SLC6A6: variants seen among roughly 807,000 people sequenced by gnomAD.
The protein encoded by SLC6A6 is sodium- and chloride-dependent taurine transporter.
In SLC6A6, 16 loss-of-function variants were observed where a neutral mutation model predicts 68.8. The ratio of observed to expected loss-of-function variants is 0.23; its 90% CI spans 0.16 to 0.35. The LOEUF (loss-of-function observed/expected upper bound fraction) is 0.35, where lower values mean the gene tolerates loss of function less well. SLC6A6 is among the 10% of genes least tolerant of loss of function. The probability of loss-of-function intolerance (pLI) is 1.00; values close to 1 mark genes in which losing one functional copy is unlikely to be tolerated. For synonymous variants in SLC6A6, 312 were observed against 315.4 expected, an observed-to-expected ratio of 0.99 and a Z score of 0.12; for missense variants, 474 against 802.8, an observed-to-expected ratio of 0.59 and a Z score of 4.95.
chr3:14,423,140 G>A (rs1699520007), intron 2 of SLC6A6, among the ~76,000 whole-genome samples: 1 of 152,276 alleles, frequency 6.6e-6, no homozygotes, highest in South Asian at 2.1e-4. Flanking sequence ...CATTTGCTTT[G>A]GAAAAACTGT....
At chr3:14,403,853 T>C (rs1400246146) in intron 1 of SLC6A6, among the ~76,000 whole-genome samples, 1 of 152,226 alleles carries the variant, frequency 6.6e-6, no homozygotes, top group African/African-American at 2.4e-5. Flanking sequence ...CAGCCTGGAC[T>C]GGAGAGGAGA....
At chr3:14,422,261 A>G (rs1233783095) in intron 2 of SLC6A6, among the ~76,000 whole-genome samples, 2 of 152,154 alleles carry the variant, frequency 1.3e-5, no homozygotes, top group African/African-American at 4.8e-5. Flanking sequence ...TCAGACCCAA[A>G]TGCCCGCAGG....
chr3:14,411,561 G>T (rs1008642190), intron 1 of SLC6A6, among the ~76,000 whole-genome samples: 1 of 152,166 alleles, frequency 6.6e-6, no homozygotes, highest in Admixed American at 6.6e-5. Flanking sequence ...GACCTTTATG[G>T]TCTTACCTTA....
intron 1 of SLC6A6, among the ~76,000 whole-genome samples, chr3:14,407,783 G>A (rs1027323773): frequency 3.3e-5 from 5 of 152,104 alleles, no homozygotes; most frequent in Non-Finnish European, 5.9e-5. Context: ...TGGGATTACA[G>A]GCATGCCCCA....
At position 14,488,750 on chromosome 3, in the gene SLC6A6, C is replaced by T. The variant is rs1213054636; in HGVS notation, c.*3743C>T. 6.6e-6 allele frequency: 1 copy of T among 152,580 alleles called. No individual in the cohort carries two copies. Among genetic ancestry groups the T allele is most frequent in the Non-Finnish European group, 1.5e-5 (1 of 68,042 alleles). 9.5% of individuals were successfully genotyped at this position (152,580 alleles called of 1,614,324 possible). A position where few individuals can be genotyped will look rare whatever the true frequency, so the allele number is the denominator to read the frequency against. The stretch of plus-strand genomic sequence containing the variant: ...TCCAGAAAGCAGGGGGCAGCCCTCC[C>T]CCTTTCCTTCTCTCCCTGATCCTCA... On this transcript the variant is annotated 3_prime_UTR_variant, in exon 15 of 15. Coordinates refer to ENST00000622186, the MANE Select transcript of SLC6A6 (RefSeq NM_003043.6).
chr3:14,453,859 G>C (rs920808883), intron 5 of SLC6A6, among the ~76,000 whole-genome samples: 2 of 152,190 alleles, frequency 1.3e-5, no homozygotes, highest in African/African-American at 4.8e-5. Flanking sequence ...GCTGAGGGAA[G>C]CAGTTAGGTC....
rs768695369 is a variant in SLC6A6 at position 14,416,453 on chromosome 3, C to T, written c.-12C>T. ...ACAGCCCTTCTGAGGAGCTCCCAAACGTAAGTGACCTTGGACCTCCAGGTG... is the reference window on the plus strand; with the variant it reads ...ACAGCCCTTCTGAGGAGCTCCCAAATGTAAGTGACCTTGGACCTCCAGGTG... On this transcript the variant is annotated splice_region_variant and 5_prime_UTR_variant, in exon 2 of 15. Transcript: ENST00000622186. 42 of 398,590 alleles carry T rather than the reference C, an allele frequency of 1.1e-4. No homozygotes were observed. Among genetic ancestry groups the T allele is most frequent in the Non-Finnish European group, 1.4e-4 (32 of 226,108 alleles). The allele number at this position is 398,590 out of a possible 1,614,324, so 24.7% of individuals were successfully genotyped here.
chr3:14,479,103 A>G lies in SLC6A6; in HGVS notation c.1469A>G (p.Asp490Gly), dbSNP rs1223953384. The G allele has an allele frequency of 1.2e-6, 2 of 1,611,600 alleles. No homozygotes were observed. Among genetic ancestry groups the G allele is most frequent in the East Asian group, 2.2e-5 (1 of 44,866 alleles). ...AWIYGGDNLY[D>G]GIEDMIGYRP... Reference sequence around the variant, plus strand: ...CTTGCAGGAGGTGATAACCTTTATGATGGTATTGAGGACATGATTGGCTAT... The same window carrying G: ...CTTGCAGGAGGTGATAACCTTTATGGTGGTATTGAGGACATGATTGGCTAT... Residue 490 changes from aspartate (D) to glycine (G), a missense_variant, in exon 13 of 15, where the codon GAT becomes GGT. Physicochemically the swap from Asp to Gly is moderately conservative, Grantham distance 94. Around this residue, in one of 2 missense-constraint regions of SLC6A6, gnomAD observed 194 missense variants for 269.8 expected, o/e 0.72. Coordinates refer to ENST00000622186, the MANE Select transcript of SLC6A6 (RefSeq NM_003043.6).
At chr3:14,413,827 T>C (rs1163367718) in intron 1 of SLC6A6, among the ~76,000 whole-genome samples, 1 of 152,058 alleles carries the variant, frequency 6.6e-6, no homozygotes, top group Non-Finnish European at 1.5e-5. Flanking sequence ...ATGGGAGGAG[T>C]GTGTCAGAGA....
rs1700220639 is a variant in SLC6A6 at position 14,450,057 on chromosome 3, AT to A, written c.599+2243del. ...GAGCCACTGTGCCTGGCCAGAATCC[AT>A]TATTATTTATCGAGTGCCCTCATAG... On this transcript the variant is annotated intron_variant, in intron 5 of 14. Transcript: ENST00000622186. This position sits in a 1 kb window ranked among gnomAD's most constrained non-coding sequence, Gnocchi z 4.1. Among the ~76,000 whole-genome samples, 1 of 152,074 alleles carries A rather than the reference AT, an allele frequency of 6.6e-6. No individual in the cohort carries two copies.
Position 14,486,272 on chromosome 3 carries a change from G to C in SLC6A6, c.*1265G>C, listed in dbSNP as rs1701160790. 6.6e-6 allele frequency: 1 copy of C among 152,608 alleles called. No homozygotes were observed. The highest frequency in any genetic ancestry group is 1.5e-5 in the Non-Finnish European group (1 of 68,046). 9.5% of individuals were successfully genotyped at this position (152,608 alleles called of 1,614,324 possible). On this transcript the variant is annotated 3_prime_UTR_variant, in exon 15 of 15. Coordinates refer to ENST00000622186, the MANE Select transcript of SLC6A6 (RefSeq NM_003043.6). ...CCACCCTGGGCTGCCCTGGCACCTA[G>C]CAAGGCACACCAAGAACAGCTTTTG... is the stretch of plus-strand genomic sequence containing the variant.
chr3:14,468,005 G>A lies in SLC6A6; in HGVS notation c.971+49G>A. 1.2e-6 allele frequency: 2 copies of A among 1,608,148 alleles called. No homozygotes were observed. The highest frequency in any genetic ancestry group is 1.7e-6 in the Non-Finnish European group (2 of 1,175,032). ...GGTGGACTTTAGAAATGATGATGATGATGTTTAAAGAAAAAGAGAAGTAGG... is the reference window on the plus strand; with the variant it reads ...GGTGGACTTTAGAAATGATGATGATAATGTTTAAAGAAAAAGAGAAGTAGG... On this transcript the variant is annotated intron_variant, in intron 8 of 14. Transcript: ENST00000622186. This position sits in a 1 kb window ranked among gnomAD's most constrained non-coding sequence, Gnocchi z 4.5.
At chr3:14,465,287 C>T (rs1013975612) in intron 6 of SLC6A6, among the ~76,000 whole-genome samples, 2 of 152,176 alleles carry the variant, frequency 1.3e-5, no homozygotes, top group African/African-American at 4.8e-5. Flanking sequence ...AGGAGATGGC[C>T]ACATCGTTTC....
At chr3:14,408,693 G>T (rs139638284) in intron 1 of SLC6A6, among the ~76,000 whole-genome samples, 62 of 152,280 alleles carry the variant, frequency 4.1e-4, no homozygotes, top group African/African-American at 1.4e-3. Context: ...TATGGACATA[G>T]ACTCCTTTTT....
In SLC6A6 at chr3:14,481,639, C is replaced by A; in HGVS notation, c.1552-32C>A. The A allele has an allele frequency of 1.3e-6, 2 of 1,538,582 alleles. No individual in the cohort carries two copies. The highest frequency in any genetic ancestry group is 8.9e-7 in the Non-Finnish European group (1 of 1,125,402). On this transcript the variant is annotated intron_variant, in intron 13 of 14. Coordinates refer to ENST00000622186, the MANE Select transcript of SLC6A6 (RefSeq NM_003043.6). This position sits in a 1 kb window ranked among gnomAD's most constrained non-coding sequence, Gnocchi z 4.7. ...GCCCCCCACCCCCCGATGCCCAGGACCCCTCTCCTGACTGCCCCCATCTCT... is the reference window on the plus strand; with the variant it reads ...GCCCCCCACCCCCCGATGCCCAGGAACCCTCTCCTGACTGCCCCCATCTCT...
intron 5 of SLC6A6, among the ~76,000 whole-genome samples, chr3:14,449,006 C>T (rs1313550677): frequency 6.6e-6 from 1 of 152,232 alleles, no homozygotes; most frequent in South Asian, 2.1e-4. Flanking sequence ...TCTGAATCAT[C>T]ACGAGATGAC....
intron 9 of SLC6A6, among the ~76,000 whole-genome samples, chr3:14,470,101 A>T (rs1700717706): frequency 6.6e-6 from 1 of 152,196 alleles, no homozygotes; most frequent in Non-Finnish European, 1.5e-5. Context: ...ATTGAGTGGG[A>T]ATCTCCAGGA....
chr3:14,469,785 C>T (rs1440843758), intron 9 of SLC6A6, among the ~76,000 whole-genome samples: 2 of 152,108 alleles, frequency 1.3e-5, no homozygotes, highest in Non-Finnish European at 2.9e-5. Context: ...GAGATGCACA[C>T]TGCCCAGCCC....
intron 2 of SLC6A6, among the ~76,000 whole-genome samples, chr3:14,433,357 T>A (rs1699773997): frequency 6.6e-6 from 1 of 152,200 alleles, no homozygotes; most frequent in Non-Finnish European, 1.5e-5. Flanking sequence ...TTGGGCTTCC[T>A]GCACAAGGAT....
Sources: allele counts gnomAD v4.1 joint callset (sites outside exome capture counted in the v4.1 genomes callset), GRCh38; gene constraint gnomAD v4.1.1; regional missense constraint gnomAD v4.1.1; non-coding constraint Gnocchi (gnomAD v3.1); transcripts MANE v1.5; gene names NCBI Gene and HGNC (gene_info 2026-07-23, HGNC 2026-07-21).